ATP8B3: variants seen among roughly 807,000 people sequenced by gnomAD.
ATP8B3 encodes ATPase phospholipid transporting 8B3.
A neutral mutation model predicts 140.9 loss-of-function variants in ATP8B3; 141 were observed. The observed-to-expected ratio is 1.00, with a 90% confidence interval of 0.87 to 1.15. The LOEUF (loss-of-function observed/expected upper bound fraction) is 1.15. Ranked by LOEUF, ATP8B3 falls within the 50% of genes most tolerant of loss-of-function variation. The pLI is 0.00. For missense variants in ATP8B3, 1,874 were observed against 1,740.6 expected (o/e 1.08, Z -1.36); for synonymous variants, 765 against 714.6 (o/e 1.07, Z -1.13).
rs2068251965 is a variant in ATP8B3 at position 1,784,860 on chromosome 19, G to A, written c.3619C>T (p.Leu1207Phe). Residue 1207 changes from leucine to phenylalanine, a missense_variant, in exon 28 of 29, where the codon CTC becomes TTC. Coordinates refer to ENST00000310127, the MANE Select transcript of ATP8B3 (RefSeq NM_138813.4). Reference protein sequence around the residue: ...VSINTFPVLALRVIFPALKEL... With the variant: ...VSINTFPVLAFRVIFPALKEL... ...TTGAGGGCTGGGAAGATGACTCGGA[G>A]GGCCAGGACAGGGAAGGTGTTTATG... 6.2e-7 allele frequency: 1 copy of A among 1,611,986 alleles called. No individual in the cohort carries two copies. Among genetic ancestry groups the A allele is most frequent in the Non-Finnish European group, 8.5e-7 (1 of 1,179,136 alleles).
chr19:1,802,187 C>T, intron 11 of ATP8B3, 143 bp from the exon 12 acceptor site: 1 of 512,560 alleles, frequency 2.0e-6, no homozygotes, highest in Non-Finnish European at 3.4e-6. Context: ...ACCCATCCAC[C>T]CCTCACCCAC....
intron 14 of ATP8B3, among the ~76,000 whole-genome samples, chr19:1,797,714 G>A (rs1301390098): frequency 1.3e-5 from 2 of 151,722 alleles, no homozygotes; most frequent in Non-Finnish European, 2.9e-5. Flanking sequence ...TGGCCAGGCT[G>A]GTCTCAAACT....
intron 18 of ATP8B3, among the ~76,000 whole-genome samples, chr19:1,795,518 T>A (rs1047461689): frequency 4.6e-5 from 7 of 152,052 alleles, no homozygotes; most frequent in African/African-American, 1.7e-4. Flanking sequence ...GCCACTGCAC[T>A]CCAGCCTGGG....
chr19:1,787,728 TAAAAAAAAAAAAAAAAAAAAAAA>T (rs561418063), intron 24 of ATP8B3, among the ~76,000 whole-genome samples: 6 of 119,726 alleles, frequency 5.0e-5, no homozygotes, highest in Non-Finnish European at 8.6e-5. Context: ...AAACTCTGTC[TAAAAAAAAAAAAAAAAAAAAAAA>T]AAAAAAAAAA....
Position 1,802,502 on chromosome 19 carries a change from G to A in ATP8B3, c.1048C>T (p.Leu350=). ...RIRNTDTCYG[L]VIYAGFDTKI... is the part of the protein sequence containing the mutation. ...GCAGCCGTACCAGCATAAATGACCA[G>A]TCCATAGCAGGTGTCTGTGTTGCGA... The change falls in exon 11 of 29, where the codon CTG becomes TTG. Residue 350 remains leucine, a synonymous_variant. Transcript: ENST00000310127. 7.0e-7 allele frequency: 1 copy of A among 1,423,726 alleles called. No homozygotes were observed. The allele number at this position is 1,423,726 out of a possible 1,614,324, so 88.2% of individuals were successfully genotyped here.
In ATP8B3 at chr19:1,785,504, C is replaced by T. The variant is rs1158486882; in HGVS notation, c.3358G>A (p.Val1120Met). ...FSDHQSFAVV[V>M]ALSCLLSITM... ...ATGGACAGCAGGCAAGACAGGGCCA[C>T]CACGACCGCAAAGGACTGGTGGTCG... Residue 1120 changes from valine to methionine, a missense_variant, in exon 26 of 29, where the codon GTG (valine) becomes ATG (methionine). Transcript: ENST00000310127. The T allele has an allele frequency of 6.2e-7, 1 of 1,613,052 alleles. No homozygotes were observed. Among genetic ancestry groups the T allele is most frequent in the East Asian group, 2.2e-5 (1 of 44,884 alleles).
chr19:1,811,453 C>T, intron 2 of ATP8B3, 36 bp downstream of exon 2: 1 of 1,595,082 alleles, frequency 6.3e-7, no homozygotes, highest in Non-Finnish European at 8.5e-7. Context: ...AAGCCCCTGC[C>T]CCTGTGTTCC....
Position 1,806,059 on chromosome 19 carries a change from C to G in ATP8B3, c.750+38G>C. Reference sequence around the variant, plus strand: ...GGGAGGGGTGCTCTCGGTGAGGGGGCGCGTGGTTCTGGGACCTCGGGGTCA... The same window carrying G: ...GGGAGGGGTGCTCTCGGTGAGGGGGGGCGTGGTTCTGGGACCTCGGGGTCA... On this transcript the variant is annotated intron_variant, in intron 8 of 28. Transcript: ENST00000310127. The surrounding 1 kb of genome is among the most constrained non-coding windows in gnomAD (Gnocchi z 5.6). The G allele has an allele frequency of 6.2e-7, 1 of 1,601,632 alleles. No homozygotes were observed. Among genetic ancestry groups the G allele is most frequent in the East Asian group, 2.3e-5 (1 of 44,170 alleles).
At chr19:1,809,795 C>A in intron 3 of ATP8B3, 61 bp from the exon 4 acceptor site, 1 of 1,480,138 alleles carries the variant, frequency 6.8e-7, no homozygotes, top group Non-Finnish European at 9.2e-7. Context: ...CCCCTAATGA[C>A]CGCCCGGAGG....
chr19:1,790,969 T>TAAC, intron 20 of ATP8B3, 137 bp from the exon 21 acceptor site: 1 of 731,468 alleles, frequency 1.4e-6, no homozygotes, highest in Non-Finnish European at 2.2e-6. Flanking sequence ...GGTGATTGGT[T>TAAC]CAGAGAAGGG....
rs757510846 is a variant in ATP8B3, at chr19:1,800,276, C to T, written c.1326G>A (p.Pro442=). Residue 442 remains proline, a synonymous_variant, in exon 13 of 29, where the codon CCG becomes CCA. Transcript: ENST00000310127. The surrounding 1 kb of genome is among the most constrained non-coding windows in gnomAD (Gnocchi z 4.4). Reference sequence around the variant, plus strand: ...AGACTCACAGGATGAACATGGACATCGGGATGGTGACGCTGAGCAGGATGA... The same window carrying T: ...AGACTCACAGGATGAACATGGACATTGGGATGGTGACGCTGAGCAGGATGA... The part of the protein sequence containing the change: ...SFLILLSVTI[P]MSMFILSEFI... The T allele has an allele frequency of 1.9e-6, 3 of 1,611,622 alleles. No individual in the cohort carries two copies. Among genetic ancestry groups the T allele is most frequent in the Middle Eastern group, 1.7e-4 (1 of 6,050 alleles).
At chr19:1,809,786 C>T in intron 3 of ATP8B3, 52 bp from the exon 4 acceptor site, 7 of 1,510,482 alleles carry the variant, frequency 4.6e-6, no homozygotes, top group Non-Finnish European at 6.3e-6. Context: ...GGACAAACAC[C>T]CCTAATGACC....
At chr19:1,808,192 G>A in intron 5 of ATP8B3, 30 bp downstream of exon 5, 1 of 1,545,590 alleles carries the variant, frequency 6.5e-7, no homozygotes, top group Non-Finnish European at 8.9e-7. Context: ...TGGCTAGGGG[G>A]GACTTCCTGG....
chr19:1,792,008 A>G lies in ATP8B3; in HGVS notation c.2183T>C (p.Leu728Pro), dbSNP rs1367697025. ...CTCCATCTCGTTGTACACCTGTTGC[A>G]GGGCCTGTGCCCGGTTCTGCAGCAG... ...SLLLQNRAQALQQLLGATAIE... is the reference protein window; with the variant it reads ...SLLLQNRAQAPQQLLGATAIE... Residue 728 changes from leucine to proline, a missense_variant, in exon 19 of 29, where the codon CTG becomes CCG. Transcript: ENST00000310127. 2.6e-6 allele frequency: 4 copies of G among 1,546,530 alleles called. No individual in the cohort carries two copies. Among genetic ancestry groups the G allele is most frequent in the Admixed American group, 2.0e-5 (1 of 51,128 alleles).
At chr19:1,784,974 G>C in intron 27 of ATP8B3, 28 bp from the exon 28 acceptor site, 1 of 1,589,862 alleles carries the variant, frequency 6.3e-7, no homozygotes, top group Non-Finnish European at 8.6e-7. Context: ...TCACAGCAGA[G>C]CCTACCCCCA....
At position 1,811,849 on chromosome 19, in the gene ATP8B3, G is replaced by C. The variant is rs2069198804; in HGVS notation, c.-113C>G. 1 of 1,204,278 alleles carries C rather than the reference G, an allele frequency of 8.3e-7. No homozygotes were observed. The allele number at this position is 1,204,278 out of a possible 1,614,324, so 74.6% of individuals were successfully genotyped here. On this transcript the variant is annotated 5_prime_UTR_variant, in exon 2 of 29. Coordinates refer to ENST00000310127, the MANE Select transcript of ATP8B3 (RefSeq NM_138813.4). Reference sequence around the variant, plus strand: ...AGACTGGGGATTGGAGAGTTGGAGAGAATGCTCAAATGGCCAGAATCCACT... The same window carrying C: ...AGACTGGGGATTGGAGAGTTGGAGACAATGCTCAAATGGCCAGAATCCACT...
rs752703870 is a variant in ATP8B3, at chr19:1,789,454, G to C, written c.2752C>G (p.Gln918Glu). 2.5e-5 allele frequency: 40 copies of C among 1,597,754 alleles called. No individual in the cohort carries two copies. In the Admixed American group the frequency reaches 6.5e-4, roughly 26 times the overall value. Residue 918 changes from glutamine (Q) to glutamate (E), a missense_variant, in exon 23 of 29, where the codon CAG (glutamine) becomes GAG (glutamate). Gln to Glu is a conservative substitution (Grantham distance 29). Around this residue, in one of 3 missense-constraint regions of ATP8B3, gnomAD observed 840 missense variants for 760.9 expected, o/e 1.10. Coordinates refer to ENST00000310127, the MANE Select transcript of ATP8B3 (RefSeq NM_138813.4). Reference protein sequence around the residue: ...AVICCRVTPKQKALIVALVKK... With the variant: ...AVICCRVTPKEKALIVALVKK... ...ACCAGGGCCACGATCAGGGCCTTCT[G>C]CTTGGGCGTCACGCGGCAGCAGATG... is the stretch of plus-strand genomic sequence containing the variant.
chr19:1,797,002 G>A lies in ATP8B3; in HGVS notation c.1556C>T (p.Pro519Leu), dbSNP rs374656010. The A allele has an allele frequency of 2.5e-5, 41 of 1,612,948 alleles. No individual in the cohort carries two copies. Among genetic ancestry groups the A allele is most frequent in the African/African-American group, 5.3e-5 (4 of 74,904 alleles). The change falls in exon 15 of 29, where the codon CCG (proline) becomes CTG (leucine). Residue 519 changes from proline to leucine, a missense_variant. This residue lies in a region of ATP8B3 where 1,032 missense variants were observed against 963.6 expected (regional missense o/e 1.07). Coordinates refer to ENST00000310127, the MANE Select transcript of ATP8B3 (RefSeq NM_138813.4). ...KCCISGRVYG[P>L]DSEATTRPKE... is the part of the protein sequence containing the mutation. ...AGGTCGGGTCGTGGCCTCTGAATCC[G>A]GCCCTGGGGAAAGACACAGCTTCCT... is the stretch of plus-strand genomic sequence containing the variant.
In ATP8B3 at chr19:1,796,748, G is replaced by C. The variant is rs747063124; in HGVS notation, c.1716C>G (p.His572Gln). 63 of 1,611,998 alleles carry C rather than the reference G, an allele frequency of 3.9e-5. No homozygotes were observed. Among genetic ancestry groups the C allele is most frequent in the Non-Finnish European group, 4.8e-5 (57 of 1,179,608 alleles). ...GGGGGCTCTCCCGCACCATCACCGT[G>C]TGGCAGATGGCCAGCAGGCGCCAGA... Reference protein sequence around the residue: ...REFWRLLAICHTVMVRESPRE... With the variant: ...REFWRLLAICQTVMVRESPRE... The change falls in exon 16 of 29, where the codon CAC (histidine) becomes CAG (glutamine). Residue 572 changes from histidine (H) to glutamine (Q), a missense_variant. His to Gln is a conservative substitution (Grantham distance 24). This residue lies in a region of ATP8B3 where 1,032 missense variants were observed against 963.6 expected (regional missense o/e 1.07). Transcript: ENST00000310127.
Sources: allele counts gnomAD v4.1 joint callset (sites outside exome capture counted in the v4.1 genomes callset), GRCh38; gene constraint gnomAD v4.1.1; regional missense constraint gnomAD v4.1.1; non-coding constraint Gnocchi (gnomAD v3.1); transcripts MANE v1.5; gene names NCBI Gene and HGNC (gene_info 2026-07-23, HGNC 2026-07-21).